The following OGFOD1 variants were observed in gnomAD, a reference collection of about 807,000 sequenced individuals.
OGFOD1 encodes the protein 2-oxoglutarate and iron dependent oxygenase domain containing 1.
Under a neutral mutation model 67.7 loss-of-function variants are expected in OGFOD1, and 54 were observed. The ratio of observed to expected loss-of-function variants is 0.80; its 90% confidence interval spans 0.64 to 1.00. The LOEUF (loss-of-function observed/expected upper bound fraction) is 1.00, where lower values mean the gene tolerates loss of function less well. OGFOD1 is among the 50% of genes least tolerant of loss of function. OGFOD1 has a pLI of 0.00. For missense variants in OGFOD1, 606 were observed against 646.7 expected (o/e 0.94, Z 0.68); for synonymous variants, 221 against 227.0 (o/e 0.97, Z 0.24).
At chr16:56,471,641 G>A (rs543541170) in intron 10 of OGFOD1, among the ~76,000 whole-genome samples, 25 of 152,212 alleles carry the variant, frequency 1.6e-4, no homozygotes, top group Non-Finnish European at 2.8e-4. Flanking sequence ...GTGCAGTTAG[G>A]AGAGCAGAGA....
intron 4 of OGFOD1, among the ~76,000 whole-genome samples, chr16:56,465,194 T>G (rs1208273139): frequency 1.3e-5 from 2 of 151,948 alleles, no homozygotes; most frequent in Non-Finnish European, 2.9e-5. Flanking sequence ...GAGATGGGGT[T>G]TTGCCATGTT....
Position 56,462,539 on chromosome 16 carries a change from T to A in OGFOD1, c.353T>A (p.Ile118Asn). The change falls in exon 4 of 13, where the codon ATT becomes AAT. Residue 118 changes from isoleucine to asparagine, a missense_variant. Coordinates refer to ENST00000566157, the MANE Select transcript of OGFOD1 (RefSeq NM_018233.4). ...TCTTTTGTTTACATTTCTAGGAAAATTCTGTTTGAAGATTTCCGGTCCTGG... is the reference window on the plus strand; with the variant it reads ...TCTTTTGTTTACATTTCTAGGAAAAATCTGTTTGAAGATTTCCGGTCCTGG... Reference protein sequence around the residue: ...REPHISTLRKILFEDFRSWLS... With the variant: ...REPHISTLRKNLFEDFRSWLS... The A allele has an allele frequency of 6.2e-7, 1 of 1,605,668 alleles. No homozygotes were observed. Among genetic ancestry groups the A allele is most frequent in the South Asian group, 1.1e-5 (1 of 90,908 alleles).
Position 56,470,770 on chromosome 16 carries a change from G to A in OGFOD1, c.1264G>A (p.Glu422Lys). The A allele has an allele frequency of 6.3e-7, 1 of 1,596,690 alleles. No individual in the cohort carries two copies. Among genetic ancestry groups the A allele is most frequent in the Non-Finnish European group, 8.5e-7 (1 of 1,172,734 alleles). ...QSNEQTDPEP[E>K]ENETKKESSV... is the part of the protein sequence containing the mutation. ...CAATGAGCAGACAGACCCAGAGCCAGAGGAAAATGAAACAAAGAAAGGTAA... is the reference window on the plus strand; with the variant it reads ...CAATGAGCAGACAGACCCAGAGCCAAAGGAAAATGAAACAAAGAAAGGTAA... Residue 422 changes from glutamate (E) to lysine (K), a missense_variant, in exon 10 of 13, where the codon GAG becomes AAG. Physicochemically the swap from Glu to Lys is moderately conservative, Grantham distance 56. Coordinates refer to ENST00000566157, the MANE Select transcript of OGFOD1 (RefSeq NM_018233.4).
chr16:56,475,462 T>C, intron 11 of OGFOD1, 45 bp from the exon 12 acceptor site: 1 of 1,582,596 alleles, frequency 6.3e-7, no homozygotes. Flanking sequence ...GGTGCGACTC[T>C]TTCAATAGGA....
intron 2 of OGFOD1, among the ~76,000 whole-genome samples, chr16:56,457,939 A>G (rs938796545): frequency 2.0e-5 from 3 of 152,006 alleles, no homozygotes; most frequent in African/African-American, 4.8e-5. Flanking sequence ...CGGCCTCCCA[A>G]AGTTCTGGGA....
intron 10 of OGFOD1, among the ~76,000 whole-genome samples, chr16:56,471,665 C>T (rs563413800): frequency 6.6e-6 from 1 of 152,252 alleles, no homozygotes; most frequent in East Asian, 1.9e-4. Context: ...GGGGTGGATA[C>T]TTGTGGAAAC....
intron 2 of OGFOD1, 35 bp downstream of exon 2, chr16:56,453,443 T>C: frequency 6.3e-7 from 1 of 1,596,024 alleles, no homozygotes; most frequent in Non-Finnish European, 8.5e-7. Context: ...CTCTTCCAGC[T>C]TGGAAATTCA....
intron 8 of OGFOD1, among the ~76,000 whole-genome samples, chr16:56,468,713 G>A (rs545328450): frequency 1.1e-3 from 156 of 140,460 alleles, no homozygotes; most frequent in Admixed American, 1.9e-3. Flanking sequence ...GTGACAGAGC[G>A]AGACTCCGTC....
At position 56,458,609 on chromosome 16, in the gene OGFOD1, A is replaced by G. The variant is rs1962607876; in HGVS notation, c.347+15A>G. The G allele has an allele frequency of 2.5e-6, 4 of 1,602,944 alleles. No homozygotes were observed. Among genetic ancestry groups the G allele is most frequent in the South Asian group, 1.1e-5 (1 of 90,810 alleles). The stretch of plus-strand genomic sequence containing the variant: ...TCCACTTTAAGGTAAACAAGTAATC[A>G]TATTTGTTGGGTGCTAATATGTGCC... On this transcript the variant is annotated intron_variant, in intron 3 of 12. Transcript: ENST00000566157.
In OGFOD1 at chr16:56,470,527, T is replaced by C. The variant is rs774583609; in HGVS notation, c.1021T>C (p.Leu341=). ...TGAGGAGAGTAAGCTTCCTGAGATA[T>C]TGAAGGAGTGCATGAAGTTATTTCG... ...KAEESKLPEI[L]KECMKLFRSE... Residue 341 remains leucine, a synonymous_variant, in exon 10 of 13, where the codon TTG becomes CTG. Transcript: ENST00000566157. 6.8e-6 allele frequency: 11 copies of C among 1,613,844 alleles called. No individual in the cohort carries two copies. The East Asian group carries it at 1.1e-4, about 16-fold the overall frequency.
intron 5 of OGFOD1, 43 bp from the exon 6 acceptor site, chr16:56,466,833 A>G: frequency 1.4e-6 from 2 of 1,408,626 alleles, no homozygotes; most frequent in Non-Finnish European, 2.0e-6. Flanking sequence ...GCAGGCTGGA[A>G]GTGGTTAATG....
intron 4 of OGFOD1, 51 bp downstream of exon 4, chr16:56,462,685 G>C (rs1962752874): frequency 9.4e-7 from 1 of 1,062,860 alleles, no homozygotes; most frequent in African/African-American, 1.6e-5. Flanking sequence ...CTTTAACTCA[G>C]CATTAATGGA....
At chr16:56,458,812 T>C in intron 3 of OGFOD1, 1 of 519,024 alleles carries the variant, frequency 1.9e-6, no homozygotes, top group South Asian at 2.2e-5. Context: ...GCCCAAGTTC[T>C]CAGTGATAAA....
chr16:56,467,664 T>C (rs574142397), intron 7 of OGFOD1, among the ~76,000 whole-genome samples: 1 of 152,260 alleles, frequency 6.6e-6, no homozygotes, highest in Admixed American at 6.5e-5. Context: ...TGACCTCAAA[T>C]GATCCACCCA....
At position 56,470,598 on chromosome 16, in the gene OGFOD1, G is replaced by A. The variant is rs1265075006; in HGVS notation, c.1092G>A (p.Lys364=). Residue 364 remains lysine (K), a synonymous_variant, in exon 10 of 13, where the codon AAG becomes AAA. Coordinates refer to ENST00000566157, the MANE Select transcript of OGFOD1 (RefSeq NM_018233.4). ...TGCTCTCCAACTTCACAGGCCTGAAGCTTCATTTCTTGGCCCCTTCGGAAG... is the reference window on the plus strand; with the variant it reads ...TGCTCTCCAACTTCACAGGCCTGAAACTTCATTTCTTGGCCCCTTCGGAAG... The part of the protein sequence containing the change: ...FLLLSNFTGL[K]LHFLAPSEED... 6.2e-7 allele frequency: 1 copy of A among 1,614,060 alleles called. No homozygotes were observed. Among genetic ancestry groups the A allele is most frequent in the Non-Finnish European group, 8.5e-7 (1 of 1,180,044 alleles).
At position 56,478,790 on chromosome 16, in the gene OGFOD1, A is replaced by C. The variant is rs374870038; in HGVS notation, c.*2585A>C. 7.2e-5 allele frequency: 11 copies of C among 152,302 alleles called. No individual in the cohort carries two copies. The highest frequency in any genetic ancestry group is 2.6e-4 in the African/African-American group (11 of 41,564). The allele number at this position is 152,302 out of a possible 1,614,324, so 9.4% of individuals were successfully genotyped here. A position where few individuals can be genotyped will look rare whatever the true frequency, so the allele number is the denominator to read the frequency against. Reference sequence around the variant, plus strand: ...CATAATCATCTTTTATACACTACAAAAAGGGACTCGGGTGTCTGAGGGGAG... The same window carrying C: ...CATAATCATCTTTTATACACTACAACAAGGGACTCGGGTGTCTGAGGGGAG... On this transcript the variant is annotated 3_prime_UTR_variant, in exon 13 of 13. Transcript: ENST00000566157.
intron 10 of OGFOD1, among the ~76,000 whole-genome samples, chr16:56,473,714 T>A (rs76319459): frequency 6.6e-6 from 1 of 152,230 alleles, no homozygotes; most frequent in Non-Finnish European, 1.5e-5. Context: ...TTTTTTTTTT[T>A]CATGAGTTGC....
rs552185508 is a variant in OGFOD1, at chr16:56,467,180, T to A, written c.673T>A (p.Ser225Thr). 1 of 1,614,174 alleles carries A rather than the reference T, an allele frequency of 6.2e-7. No individual in the cohort carries two copies. Among genetic ancestry groups the A allele is most frequent in the Admixed American group, 1.7e-5 (1 of 60,022 alleles). The change falls in exon 7 of 13, where the codon TCT (serine) becomes ACT (threonine). Residue 225 changes from serine (S) to threonine (T), a missense_variant. Physicochemically the swap from Ser to Thr is moderately conservative, Grantham distance 58. Transcript: ENST00000566157. ...VSFHQVSEVL[S>T]EEKSRLSISG... ...CTCCTTTCAGGTGTCTGAAGTGCTG[T>A]CTGAAGAAAAGTCACGTTTGTCTAT...
rs1460228698 is a variant in OGFOD1, at chr16:56,467,289, A to C, written c.782A>C (p.Gln261Pro). The part of the protein sequence containing the change: ...PPIPRSPHIP[Q>P]DHEILYDWIN... The stretch of plus-strand genomic sequence containing the variant: ...ATACCTCGGAGCCCTCACATCCCAC[A>C]AGATGTAAGAAGAATTGCTGATATC... Residue 261 changes from glutamine (Q) to proline (P), a missense_variant, in exon 7 of 13, where the codon CAA becomes CCA. Gln to Pro is a moderately conservative substitution (Grantham distance 76, BLOSUM62 -1). Transcript: ENST00000566157. 6.2e-7 allele frequency: 1 copy of C among 1,614,118 alleles called. No individual in the cohort carries two copies. The highest frequency in any genetic ancestry group is 8.5e-7 in the Non-Finnish European group (1 of 1,180,006).
Sources: allele counts gnomAD v4.1 joint callset (sites outside exome capture counted in the v4.1 genomes callset), GRCh38; gene constraint gnomAD v4.1.1; transcripts MANE v1.5; gene names NCBI Gene and HGNC (gene_info 2026-07-23, HGNC 2026-07-21).